Variants in ABHD2 observed in about 807,000 individuals in gnomAD.
The protein encoded by ABHD2 is abhydrolase domain containing 2, acylglycerol lipase, also known as monoacylglycerol lipase ABHD2.
A neutral mutation model predicts 48.1 loss-of-function variants in ABHD2; 20 were observed. That is an observed-to-expected ratio of 0.42 (90% CI 0.29 to 0.60). ABHD2 has a LOEUF of 0.60. Ranked by LOEUF, ABHD2 falls within the 20% of genes least tolerant of loss-of-function variation. The probability of loss-of-function intolerance (pLI) is 0.24; values close to 1 mark genes in which losing one functional copy is unlikely to be tolerated. For missense variants in ABHD2, 405 were observed against 550.9 expected (o/e 0.74, Z 2.65); for synonymous variants, 209 against 214.2 (o/e 0.98, Z 0.21).
rs1167234685 is a variant in ABHD2, at chr15:89,189,321, C to CA, written c.926+1027dup. On this transcript the variant is annotated intron_variant, in intron 8 of 10. Coordinates refer to ENST00000352732, the MANE Select transcript of ABHD2 (RefSeq NM_152924.5). This position sits in a 1 kb window ranked among gnomAD's most constrained non-coding sequence, Gnocchi z 4.9. ...GCAACATAGCAAGTCCCTGTCTCTA[C>CA]AAAAAAAAATTGAAAAATAAAAATA... Among the ~76,000 whole-genome samples the CA allele has an allele frequency of 1.1e-4, 16 of 149,096 alleles. No individual in the cohort carries two copies. Among genetic ancestry groups the CA allele is most frequent in the East Asian group, 5.9e-4 (3 of 5,096 alleles).
the ABHD2 span, among the ~76,000 whole-genome samples, chr15:89,064,648 T>G: frequency 6.6e-6 from 1 of 152,214 alleles, no homozygotes; most frequent in Non-Finnish European, 1.5e-5. Flanking sequence ...AATTAAATTA[T>G]TATTTTTAAT....
intron 3 of ABHD2, among the ~76,000 whole-genome samples, chr15:89,149,997 T>G (rs1296128761): frequency 2.0e-5 from 3 of 151,686 alleles, no homozygotes; most frequent in Non-Finnish European, 4.4e-5. Flanking sequence ...GGGACCTGAC[T>G]CTAAACTGGG....
intron 5 of ABHD2, among the ~76,000 whole-genome samples, chr15:89,165,022 C>T (rs561814640): frequency 6.6e-5 from 10 of 152,216 alleles, no homozygotes; most frequent in Non-Finnish European, 1.3e-4. Flanking sequence ...TAAGAACCTG[C>T]TCGTGTTGAG....
chr15:89,194,579 G>T (rs1212752059), intron 10 of ABHD2, among the ~76,000 whole-genome samples: 1 of 152,200 alleles, frequency 6.6e-6, no homozygotes. Context: ...AATGTCTGTA[G>T]TGAAAACTCA....
chr15:89,054,190 C>T, the ABHD2 span, among the ~76,000 whole-genome samples: 7 of 151,400 alleles, frequency 4.6e-5, no homozygotes, highest in South Asian at 2.1e-4. Context: ...GGCATGGTGA[C>T]ACACGCCTGT....
rs182413718 is a variant in ABHD2, at chr15:89,176,856, C to T, written c.722+861C>T. ...AAAAACACCTCCCTATTGATCCAGT[C>T]TAATGCCAAACAGTCCTTATCGTTA... On this transcript the variant is annotated intron_variant, in intron 6 of 10. Transcript: ENST00000352732. This position sits in a 1 kb window ranked among gnomAD's most constrained non-coding sequence, Gnocchi z 4.5. 1.4e-3 allele frequency among the ~76,000 whole-genome samples: 220 copies of T among 152,348 alleles called. 2 individuals are homozygous for T. Among genetic ancestry groups the T allele is most frequent in the African/African-American group, 4.8e-3 (200 of 41,584 alleles).
the ABHD2 span, among the ~76,000 whole-genome samples, chr15:89,071,057 T>G: frequency 6.6e-6 from 1 of 152,106 alleles, no homozygotes; most frequent in Non-Finnish European, 1.5e-5. Flanking sequence ...TGCTGAACCC[T>G]AATTAACCTC....
At chr15:89,153,892 G>T (rs2050630973) in intron 4 of ABHD2, among the ~76,000 whole-genome samples, 1 of 152,034 alleles carries the variant, frequency 6.6e-6, no homozygotes, top group African/African-American at 2.4e-5. Flanking sequence ...AACTCTAAAA[G>T]TCTTCAAAAA....
intron 1 of ABHD2, among the ~76,000 whole-genome samples, chr15:89,111,594 A>T (rs994273797): frequency 6.6e-6 from 1 of 152,178 alleles, no homozygotes; most frequent in Non-Finnish European, 1.5e-5. Context: ...CATTCCAGGG[A>T]TGCAAGAAGG....
At chr15:89,163,557 G>A (rs1403477351) in intron 5 of ABHD2, among the ~76,000 whole-genome samples, 2 of 152,254 alleles carry the variant, frequency 1.3e-5, no homozygotes, top group African/African-American at 4.8e-5. Flanking sequence ...CATGTGACTA[G>A]TGAGTGGCAG....
intron 3 of ABHD2, chr15:89,136,571 C>G (rs2050316123): frequency 3.9e-6 from 1 of 253,712 alleles, no homozygotes; most frequent in Non-Finnish European, 8.1e-6. Flanking sequence ...AGTGCTATCT[C>G]TATGGAGCTC....
rs530900133 is a variant in ABHD2, at chr15:89,179,960, G to A, written c.722+3965G>A. Among the ~76,000 whole-genome samples the A allele has an allele frequency of 2.3e-4, 35 of 152,320 alleles. No individual in the cohort carries two copies. The highest frequency in any genetic ancestry group is 9.6e-4 in the East Asian group (5 of 5,190). On this transcript the variant is annotated intron_variant, in intron 6 of 10. Coordinates refer to ENST00000352732, the MANE Select transcript of ABHD2 (RefSeq NM_152924.5). This position sits in a 1 kb window ranked among gnomAD's most constrained non-coding sequence, Gnocchi z 4.3. The stretch of plus-strand genomic sequence containing the variant: ...AAATGGTGGGGATATTGTCTCTCTT[G>A]CTTTTGATGGGCAAACTTCAGGCTA...
Position 89,199,676 on chromosome 15 carries a change from G to A in ABHD2, c.*4253G>A, listed in dbSNP as rs1244346758. The A allele has an allele frequency of 1.3e-5, 2 of 150,078 alleles. No homozygotes were observed. Among genetic ancestry groups the A allele is most frequent in the Non-Finnish European group, 2.9e-5 (2 of 67,826 alleles). The allele number at this position is 150,078 out of a possible 1,614,324, so 9.3% of individuals were successfully genotyped here. On this transcript the variant is annotated 3_prime_UTR_variant, in exon 11 of 11. Coordinates refer to ENST00000352732, the MANE Select transcript of ABHD2 (RefSeq NM_152924.5). This position sits in a 1 kb window ranked among gnomAD's most constrained non-coding sequence, Gnocchi z 4.1. ...TTTTTGCCCTTCTTGGCCTTACTCTGTTGTTCAAAGCCACTTTGGATTGCT... is the reference window on the plus strand; with the variant it reads ...TTTTTGCCCTTCTTGGCCTTACTCTATTGTTCAAAGCCACTTTGGATTGCT...
the ABHD2 span, among the ~76,000 whole-genome samples, chr15:89,072,242 G>A: frequency 1.2e-4 from 19 of 152,224 alleles, no homozygotes; most frequent in South Asian, 2.9e-3. Context: ...CTGGGAGACC[G>A]AGGCAGGTGC....
intron 1 of ABHD2, among the ~76,000 whole-genome samples, chr15:89,112,037 T>TC (rs1159540462): frequency 6.6e-6 from 1 of 152,098 alleles, no homozygotes; most frequent in Admixed American, 6.5e-5. Context: ...TCTCCAAAGG[T>TC]TGCATATTCA....
At chr15:89,125,394 A>C (rs776620512) in intron 3 of ABHD2, among the ~76,000 whole-genome samples, 1 of 152,216 alleles carries the variant, frequency 6.6e-6, no homozygotes, top group African/African-American at 2.4e-5. Context: ...CTGCAAACTT[A>C]TATTGTTAGA....
the ABHD2 span, among the ~76,000 whole-genome samples, chr15:89,071,149 G>A: frequency 2.6e-5 from 4 of 152,162 alleles, no homozygotes; most frequent in Admixed American, 1.3e-4. Context: ...GCCGGGCACG[G>A]TGGCTCACAC....
chr15:89,186,906 C>T lies in ABHD2; in HGVS notation c.816-1287C>T, dbSNP rs967482733. Among the ~76,000 whole-genome samples, 8 of 152,358 alleles carry T rather than the reference C, an allele frequency of 5.3e-5. No homozygotes were observed. Among genetic ancestry groups the T allele is most frequent in the Admixed American group, 3.9e-4 (6 of 15,300 alleles). Reference sequence around the variant, plus strand: ...GCTTGAAGGCCCCATCAGGCTGCCACGTTGCCAAACATGTCCTTGTGTCCT... The same window carrying T: ...GCTTGAAGGCCCCATCAGGCTGCCATGTTGCCAAACATGTCCTTGTGTCCT... On this transcript the variant is annotated intron_variant, in intron 7 of 10. Coordinates refer to ENST00000352732, the MANE Select transcript of ABHD2 (RefSeq NM_152924.5). This position sits in a 1 kb window ranked among gnomAD's most constrained non-coding sequence, Gnocchi z 4.3.
chr15:89,164,628 A>G lies in ABHD2; in HGVS notation c.538+9094A>G, dbSNP rs2050810330. Among the ~76,000 whole-genome samples the G allele has an allele frequency of 6.6e-6, 1 of 152,090 alleles. No homozygotes were observed. Among genetic ancestry groups the G allele is most frequent in the African/African-American group, 2.4e-5 (1 of 41,414 alleles). On this transcript the variant is annotated intron_variant, in intron 5 of 10. Transcript: ENST00000352732. The surrounding 1 kb of genome is among the most constrained non-coding windows in gnomAD (Gnocchi z 5.0). ...CATGGTGAAACCTCATCTCTACTAA[A>G]AATGAAAAAAGCCAGGTGTGATGAT...
Sources: gnomAD v4.1 joint callset for allele counts (sites outside exome capture counted in the v4.1 genomes callset) on GRCh38, gnomAD v4.1.1 for gene constraint, Gnocchi (gnomAD v3.1) non-coding constraint, MANE v1.5 for transcripts, NCBI Gene and HGNC (gene_info 2026-07-23, HGNC 2026-07-21) for gene names.